MACROD2: variants seen among roughly 807,000 people sequenced by gnomAD.
The protein encoded by MACROD2 is ADP-ribose glycohydrolase MACROD2.
MACROD2 carries 36 observed loss-of-function variants against 70.4 expected under a neutral mutation model. That is an observed-to-expected ratio of 0.51 (90% CI 0.39 to 0.68). The LOEUF (loss-of-function observed/expected upper bound fraction) is 0.68, where lower values mean the gene tolerates loss of function less well. Ranked by LOEUF, MACROD2 falls within the 30% of genes least tolerant of loss-of-function variation. The pLI is 0.00. For synonymous variants in MACROD2, 172 were observed against 178.8 expected (o/e 0.96, Z 0.30); for missense variants, 496 against 538.4 (o/e 0.92, Z 0.78).
At chr20:14,379,457 A>T (rs2083402158) in intron 3 of MACROD2, among the ~76,000 whole-genome samples, 1 of 152,214 alleles carries the variant, frequency 6.6e-6, no homozygotes, top group Admixed American at 6.5e-5. Context: ...TGTAAGAAAT[A>T]TATAAATAAA....
intron 6 of MACROD2, among the ~76,000 whole-genome samples, chr20:15,396,573 G>T (rs987320401): frequency 6.6e-6 from 1 of 152,166 alleles, no homozygotes; most frequent in Non-Finnish European, 1.5e-5. Flanking sequence ...GGACACCAGG[G>T]CTCAGAGAGC....
rs73260631 is a variant in MACROD2, at chr20:15,583,291, A to T, written c.645+83444A>T. ...TTAGAAGTCCTCTTAACAAAAGACT[A>T]CATAAAGAAATGTGAAAAACGGAGA... is the stretch of plus-strand genomic sequence containing the variant. On this transcript the variant is annotated intron_variant, in intron 8 of 17. Transcript: ENST00000684519. Among the ~76,000 whole-genome samples, 712 of 152,320 alleles carry T rather than the reference A, an allele frequency of 4.7e-3. 6 individuals carry two copies. The highest frequency in any genetic ancestry group is 0.016 in the African/African-American group (654 of 41,568).
At chr20:15,522,986 A>G (rs1481443922) in intron 8 of MACROD2, among the ~76,000 whole-genome samples, 1 of 152,226 alleles carries the variant, frequency 6.6e-6, no homozygotes, top group African/African-American at 2.4e-5. Context: ...ATTGATGATA[A>G]AAATCCAACC....
At chr20:15,977,006 G>A (rs1433412585) in intron 13 of MACROD2, among the ~76,000 whole-genome samples, 1 of 152,144 alleles carries the variant, frequency 6.6e-6, no homozygotes, top group African/African-American at 2.4e-5. Flanking sequence ...ATGGGGACCT[G>A]CTCATTCTTG....
chr20:14,525,042 A>G (rs983665179), intron 4 of MACROD2, among the ~76,000 whole-genome samples: 29 of 152,186 alleles, frequency 1.9e-4, no homozygotes, highest in African/African-American at 6.8e-4. Context: ...TGGTCTTGAC[A>G]CATCAATTTA....
At chr20:15,405,274 A>T (rs1261519420) in intron 6 of MACROD2, among the ~76,000 whole-genome samples, 1 of 152,184 alleles carries the variant, frequency 6.6e-6, no homozygotes, top group Non-Finnish European at 1.5e-5. Flanking sequence ...TTACACTTTA[A>T]AATGATTAAT....
At chr20:15,766,228 C>T (rs1480804640) in intron 8 of MACROD2, among the ~76,000 whole-genome samples, 1 of 152,140 alleles carries the variant, frequency 6.6e-6, no homozygotes, top group African/African-American at 2.4e-5. Flanking sequence ...GCCATTTCTC[C>T]TTATGGTTTC....
rs563906196 is a variant in MACROD2, at chr20:15,508,013, A to C, written c.645+8166A>C. 3.9e-5 allele frequency among the ~76,000 whole-genome samples: 6 copies of C among 152,096 alleles called. No homozygotes were observed. The East Asian group carries it at 1.2e-3, about 29-fold the overall frequency. On this transcript the variant is annotated intron_variant, in intron 8 of 17. Coordinates refer to ENST00000684519, the MANE Select transcript of MACROD2 (RefSeq NM_001351661.2). The stretch of plus-strand genomic sequence containing the variant: ...CCCAAATGCCCTGTCACCCATTCTT[A>C]CTCTGGTGGGGAGCTCATCAAAGTT...
chr20:14,702,547 G>GTAA (rs1292200247), intron 5 of MACROD2, among the ~76,000 whole-genome samples: 2 of 139,988 alleles, frequency 1.4e-5, no homozygotes, highest in East Asian at 4.2e-4. Context: ...ACATATGTGT[G>GTAA]TGTGTGTATA....
chr20:15,203,036 A>G (rs906699641), intron 5 of MACROD2, among the ~76,000 whole-genome samples: 4 of 152,120 alleles, frequency 2.6e-5, no homozygotes, highest in Admixed American at 2.6e-4. Flanking sequence ...GAAAATTTCA[A>G]TCCCTGCCAC....
At chr20:15,229,850 C>G in intron 5 of MACROD2, 90 bp from the exon 6 acceptor site, 1 of 1,323,008 alleles carries the variant, frequency 7.6e-7, no homozygotes, top group East Asian at 2.7e-5. Flanking sequence ...GGCTCTAACA[C>G]AAATACCTAA....
At chr20:14,213,845 CT>C in intron 3 of MACROD2, among the ~76,000 whole-genome samples, 1 of 151,910 alleles carries the variant, frequency 6.6e-6, no homozygotes, top group Non-Finnish European at 1.5e-5. Context: ...TACTATCATT[CT>C]TCTCCTCAAA....
intron 5 of MACROD2, among the ~76,000 whole-genome samples, chr20:14,870,815 G>T (rs1016981796): frequency 2.6e-5 from 4 of 151,892 alleles, no homozygotes; most frequent in African/African-American, 9.7e-5. Flanking sequence ...TCTTGTAAAT[G>T]TATTTAAGTT....
intron 8 of MACROD2, among the ~76,000 whole-genome samples, chr20:15,729,300 G>T (rs2050908621): frequency 6.6e-6 from 1 of 152,058 alleles, no homozygotes. Flanking sequence ...TTGTTTTATG[G>T]TTAATTTTGT....
At position 14,905,271 on chromosome 20, in the gene MACROD2, G is replaced by C. The variant is rs2073945382; in HGVS notation, c.418+220312G>C. The C allele has an allele frequency of 2.6e-5, 4 of 152,146 alleles. No homozygotes were observed. In the South Asian group the frequency reaches 6.2e-4, roughly 24 times the overall value. The allele number at this position is 152,146 out of a possible 1,614,324, so 9.4% of individuals were successfully genotyped here. ...AATCCAGAATTTCAAGAAATGGATA[G>C]AGGAAAGAGAGACATTCAATTCAGA... On this transcript the variant is annotated intron_variant, in intron 5 of 17. Coordinates refer to ENST00000684519, the MANE Select transcript of MACROD2 (RefSeq NM_001351661.2).
At chr20:14,063,433 T>G (rs937294623) in intron 2 of MACROD2, among the ~76,000 whole-genome samples, 1 of 152,172 alleles carries the variant, frequency 6.6e-6, no homozygotes, top group African/African-American at 2.4e-5. Flanking sequence ...TATGCTGGCT[T>G]TATTGAAACT....
intron 7 of MACROD2, among the ~76,000 whole-genome samples, chr20:15,470,279 G>A (rs1261155899): frequency 6.6e-6 from 1 of 152,128 alleles, no homozygotes; most frequent in East Asian, 1.9e-4. Flanking sequence ...TCGATCTCCT[G>A]ACCCCATGAT....
At chr20:15,141,489 C>G (rs2076192209) in intron 5 of MACROD2, among the ~76,000 whole-genome samples, 1 of 152,178 alleles carries the variant, frequency 6.6e-6, no homozygotes, top group African/African-American at 2.4e-5. Flanking sequence ...TCCTTCCATG[C>G]ACACAGCTTG....
intron 5 of MACROD2, among the ~76,000 whole-genome samples, chr20:15,108,460 A>C (rs917662772): frequency 6.6e-6 from 1 of 152,152 alleles, no homozygotes; most frequent in Non-Finnish European, 1.5e-5. Flanking sequence ...AGCACATGCC[A>C]CATTGCTACA....
Sources: gnomAD v4.1 joint callset for allele counts (sites outside exome capture counted in the v4.1 genomes callset) on GRCh38, gnomAD v4.1.1 for gene constraint, MANE v1.5 for transcripts, NCBI Gene and HGNC (gene_info 2026-07-23, HGNC 2026-07-21) for gene names.